The following OXSR1 variants were observed in gnomAD, a reference collection of about 807,000 sequenced individuals.
OXSR1 encodes the protein oxidative stress responsive kinase 1.
A neutral mutation model predicts 79.8 loss-of-function variants in OXSR1; 24 were observed. The ratio of observed to expected loss-of-function variants is 0.30; its 90% CI spans 0.22 to 0.42. OXSR1 has a LOEUF of 0.42. Ranked by LOEUF, OXSR1 falls within the 10% of genes least tolerant of loss-of-function variation. OXSR1 has a pLI of 1.00. For missense variants in OXSR1, 430 were observed against 618.4 expected (o/e 0.70, Z 3.23); for synonymous variants, 226 against 209.2 (o/e 1.08, Z -0.69).
chr3:38,235,074 G>C (rs1158431816), intron 10 of OXSR1, among the ~76,000 whole-genome samples: 1 of 152,192 alleles, frequency 6.6e-6, no homozygotes, highest in Non-Finnish European at 1.5e-5. Context: ...GGTAACTTAG[G>C]ACTGGGGGTT....
intron 1 of OXSR1, among the ~76,000 whole-genome samples, chr3:38,169,714 G>A (rs1310545225): frequency 6.6e-6 from 1 of 151,186 alleles, no homozygotes; most frequent in Non-Finnish European, 1.5e-5. Flanking sequence ...ATATTTTCCT[G>A]TCTGTAGTTT....
At chr3:38,186,952 C>T (rs2125811753) in intron 2 of OXSR1, among the ~76,000 whole-genome samples, 1 of 152,294 alleles carries the variant, frequency 6.6e-6, no homozygotes, top group South Asian at 2.1e-4. Flanking sequence ...TTCAGTTTCT[C>T]TATATCCTCA....
At chr3:38,211,208 G>C (rs1003395643) in intron 4 of OXSR1, among the ~76,000 whole-genome samples, 3 of 152,148 alleles carry the variant, frequency 2.0e-5, no homozygotes, top group African/African-American at 7.2e-5. Flanking sequence ...TGGGCATTCT[G>C]TCTGGTCCTT....
rs987094076 is a variant in OXSR1, at chr3:38,190,858, A to G, written c.292+19A>G. 1 of 1,294,456 alleles carries G rather than the reference A, an allele frequency of 7.7e-7. No homozygotes were observed. The highest frequency in any genetic ancestry group is 1.1e-6 in the Non-Finnish European group (1 of 891,552). 80.2% of individuals were successfully genotyped at this position (1,294,456 alleles called of 1,614,324 possible). ...AGTGGAGGTGAGTAGAGTACAAGGA[A>G]ATGCTATAAGTACCATGGTTTGAAA... On this transcript the variant is annotated intron_variant, in intron 3 of 17. Transcript: ENST00000311806.
intron 1 of OXSR1, among the ~76,000 whole-genome samples, chr3:38,172,372 G>A (rs1701598618): frequency 6.6e-6 from 1 of 152,050 alleles, no homozygotes; most frequent in South Asian, 2.1e-4. Context: ...ACAATATGAT[G>A]GCAGAGAGGG....
chr3:38,234,988 G>C (rs1358417932), intron 10 of OXSR1, among the ~76,000 whole-genome samples: 1 of 152,162 alleles, frequency 6.6e-6, no homozygotes. Context: ...CATCACAAAA[G>C]ACCACATGTT....
intron 10 of OXSR1, among the ~76,000 whole-genome samples, chr3:38,230,964 C>G (rs1355442862): frequency 6.6e-6 from 1 of 152,166 alleles, no homozygotes; most frequent in African/African-American, 2.4e-5. Context: ...CCTCCCTTTT[C>G]CTCACTCTTA....
chr3:38,178,620 A>ATTTTTTTTTTTTTTTTTTTTTT (rs71085303), intron 1 of OXSR1, among the ~76,000 whole-genome samples: 1 of 95,104 alleles, frequency 1.1e-5, no homozygotes, highest in Non-Finnish European at 2.0e-5. Context: ...ATATATATAT[A>ATTTTTTTTTTTTTTTTTTTTTT]TTTTTTTTTT....
intron 11 of OXSR1, among the ~76,000 whole-genome samples, chr3:38,239,673 TTGA>T (rs1401456378): frequency 1.3e-5 from 2 of 152,184 alleles, no homozygotes; most frequent in South Asian, 2.1e-4. Context: ...CATGCACTCG[TTGA>T]TAAGTATTCT....
intron 1 of OXSR1, among the ~76,000 whole-genome samples, chr3:38,168,423 C>T (rs1701509897): frequency 1.3e-5 from 2 of 152,088 alleles, no homozygotes; most frequent in Admixed American, 1.3e-4. Context: ...CTTTTTTGGA[C>T]ATTTATATAA....
intron 10 of OXSR1, among the ~76,000 whole-genome samples, chr3:38,235,539 T>C (rs887461767): frequency 3.9e-5 from 6 of 152,154 alleles, no homozygotes; most frequent in Non-Finnish European, 5.9e-5. Flanking sequence ...AATTTCCAGA[T>C]TGAAAGAGTC....
intron 3 of OXSR1, among the ~76,000 whole-genome samples, chr3:38,196,351 C>T (rs1363912802): frequency 2.0e-5 from 3 of 152,048 alleles, no homozygotes; most frequent in African/African-American, 2.4e-5. Flanking sequence ...ACACCGTCAT[C>T]GAGTTAGAGG....
intron 16 of OXSR1, 146 bp downstream of exon 16, chr3:38,251,617 A>G (rs1703258655): frequency 1.5e-6 from 1 of 661,538 alleles, no homozygotes; most frequent in Admixed American, 2.5e-5. Context: ...GTAATGGGAC[A>G]GTTCCTTACA....
At chr3:38,251,690 AC>A (rs1328575621) in intron 16 of OXSR1, among the ~76,000 whole-genome samples, 1 of 152,208 alleles carries the variant, frequency 6.6e-6, no homozygotes, top group African/African-American at 2.4e-5. Context: ...GTGAAAGCAC[AC>A]CCAAGGTCTT....
chr3:38,243,884 T>C (rs183283804), intron 12 of OXSR1, among the ~76,000 whole-genome samples: 4 of 152,354 alleles, frequency 2.6e-5, no homozygotes, highest in Admixed American at 6.5e-5. Flanking sequence ...AAATTACATA[T>C]GCCATGTCAG....
chr3:38,197,289 A>G (rs771671204), intron 3 of OXSR1, among the ~76,000 whole-genome samples: 1 of 152,184 alleles, frequency 6.6e-6, no homozygotes, highest in Non-Finnish European at 1.5e-5. Flanking sequence ...CCTATCTCCT[A>G]TTGGAGGTGA....
chr3:38,254,489 C>A lies in OXSR1; in HGVS notation c.*1598C>A, dbSNP rs1028515123. On this transcript the variant is annotated 3_prime_UTR_variant, in exon 18 of 18. Transcript: ENST00000311806. ...GGAGAGTAGGTGAGATGATCAGACA[C>A]CGGAGTTCAACGTCCCAGCAGTCTT... 5.4e-6 allele frequency: 2 copies of A among 373,210 alleles called. No homozygotes were observed. Among genetic ancestry groups the A allele is most frequent in the Non-Finnish European group, 9.5e-6 (2 of 210,250 alleles). 23.1% of individuals were successfully genotyped at this position (373,210 alleles called of 1,614,324 possible). A position where few individuals can be genotyped will look rare whatever the true frequency, so the allele number is the denominator to read the frequency against.
chr3:38,233,311 T>C (rs1178160658), intron 10 of OXSR1, among the ~76,000 whole-genome samples: 6 of 152,116 alleles, frequency 3.9e-5, no homozygotes, highest in Non-Finnish European at 8.8e-5. Context: ...CGTTGAAAAA[T>C]CCTTATTTGA....
chr3:38,218,200 C>T (rs2125833581), intron 5 of OXSR1, among the ~76,000 whole-genome samples: 1 of 152,154 alleles, frequency 6.6e-6, no homozygotes, highest in East Asian at 1.9e-4. Context: ...TATTATTTTT[C>T]ATAGCAGCTG....
Sources: gnomAD v4.1 joint callset for allele counts (sites outside exome capture counted in the v4.1 genomes callset) on GRCh38, gnomAD v4.1.1 for gene constraint, MANE v1.5 for transcripts, NCBI Gene and HGNC (gene_info 2026-07-23, HGNC 2026-07-21) for gene names.